KCNH7: variants seen among roughly 807,000 people sequenced by gnomAD.
The protein encoded by KCNH7 is voltage-gated inwardly rectifying potassium channel KCNH7.
KCNH7 carries 49 observed loss-of-function variants against 120.8 expected under a neutral mutation model. That is an observed-to-expected ratio of 0.41 (90% CI 0.32 to 0.51). The LOEUF (loss-of-function observed/expected upper bound fraction) is 0.51. Among genes scored for constraint, KCNH7 ranks in the 20% least tolerant of loss-of-function variants. The pLI is 0.38. For synonymous variants in KCNH7, 547 were observed against 516.1 expected (o/e 1.06, Z -0.81); for missense variants, 1,097 against 1,446.6 (o/e 0.76, Z 3.92).
chr2:162,665,778 T>C lies in KCNH7; in HGVS notation c.308-128698A>G, dbSNP rs1277547309. Among the ~76,000 whole-genome samples, 3 of 152,150 alleles carry C rather than the reference T, an allele frequency of 2.0e-5. No individual in the cohort carries two copies. The East Asian group carries it at 5.8e-4, about 29-fold the overall frequency. On this transcript the variant is annotated intron_variant, in intron 2 of 15. Transcript: ENST00000332142. ...ATCCTATGCCCTGATTAATTTTCTT[T>C]AGTCTAATTAAATTCAATTAAACTA...
intron 2 of KCNH7, among the ~76,000 whole-genome samples, chr2:162,706,506 A>G (rs989075750): frequency 1.3e-5 from 2 of 152,086 alleles, no homozygotes; most frequent in Admixed American, 1.3e-4. Context: ...GTAACCCCAC[A>G]AGGTCATAGT....
chr2:162,649,388 T>A (rs1684489811), intron 2 of KCNH7, among the ~76,000 whole-genome samples: 1 of 152,200 alleles, frequency 6.6e-6, no homozygotes, highest in African/African-American at 2.4e-5. Context: ...TTGAAAGTGA[T>A]TTTTACTTTT....
At chr2:162,784,555 G>T (rs1683629365) in intron 2 of KCNH7, 1 of 152,124 alleles carries the variant, frequency 6.6e-6, no homozygotes, top group Non-Finnish European at 1.5e-5. Flanking sequence ...GTGTTAAGTG[G>T]TTTTATGTTA....
intron 2 of KCNH7, among the ~76,000 whole-genome samples, chr2:162,622,939 A>G (rs1683415710): frequency 6.6e-6 from 1 of 152,192 alleles, no homozygotes; most frequent in African/African-American, 2.4e-5. Context: ...ACAAAGAGGC[A>G]GTATGAAATA....
At chr2:162,659,780 T>C (rs999193575) in intron 2 of KCNH7, among the ~76,000 whole-genome samples, 1 of 152,192 alleles carries the variant, frequency 6.6e-6, no homozygotes, top group African/African-American at 2.4e-5. Context: ...GGTTTTAGTA[T>C]TAGGGTAATG....
chr2:162,809,849 T>C (rs1049709128), intron 2 of KCNH7, among the ~76,000 whole-genome samples: 16 of 152,110 alleles, frequency 1.1e-4, no homozygotes, highest in African/African-American at 2.4e-5. Flanking sequence ...TTTTATAATT[T>C]TAGTTGCTAT....
intron 2 of KCNH7, among the ~76,000 whole-genome samples, chr2:162,801,319 G>T (rs1476295449): frequency 6.6e-6 from 1 of 151,594 alleles, no homozygotes; most frequent in Non-Finnish European, 1.5e-5. Context: ...TATTTAGGGT[G>T]CTGAAATTAA....
intron 2 of KCNH7, among the ~76,000 whole-genome samples, chr2:162,661,884 T>A (rs983412345): frequency 5.9e-5 from 9 of 152,334 alleles, no homozygotes; most frequent in African/African-American, 1.7e-4. Context: ...TTGGGTTTTT[T>A]AAATTATTTT....
chr2:162,657,186 T>A (rs917042754), intron 2 of KCNH7, among the ~76,000 whole-genome samples: 1 of 152,204 alleles, frequency 6.6e-6, no homozygotes, highest in Admixed American at 6.5e-5. Flanking sequence ...AGTTTACTGT[T>A]AGTGTTCACT....
chr2:162,568,554 G>A (rs1003964522), intron 2 of KCNH7, among the ~76,000 whole-genome samples: 4 of 152,006 alleles, frequency 2.6e-5, no homozygotes, highest in Non-Finnish European at 4.4e-5. Flanking sequence ...ATATTAAAAT[G>A]AGGTAAAGTT....
chr2:162,836,726 C>T lies in KCNH7; in HGVS notation c.118G>A (p.Ala40Thr). The T allele has an allele frequency of 6.2e-7, 1 of 1,613,924 alleles. No individual in the cohort carries two copies. Among genetic ancestry groups the T allele is most frequent in the Non-Finnish European group, 8.5e-7 (1 of 1,179,866 alleles). Reference protein sequence around the residue: ...IIANARVQNCAIIYCNDGFCE... With the variant: ...IIANARVQNCTIIYCNDGFCE... ...AACCCATCGTTGCAATAAATGATGGCACAGTTCTGCACTCTGGCATTTGCA... is the reference window on the plus strand; with the variant it reads ...AACCCATCGTTGCAATAAATGATGGTACAGTTCTGCACTCTGGCATTTGCA... The change falls in exon 2 of 16, where the codon GCC becomes ACC. Residue 40 changes from alanine (A) to threonine (T), a missense_variant. Coordinates refer to ENST00000332142, the MANE Select transcript of KCNH7 (RefSeq NM_033272.4).
intron 2 of KCNH7, among the ~76,000 whole-genome samples, chr2:162,542,925 T>A (rs916336244): frequency 5.3e-5 from 8 of 152,216 alleles, no homozygotes; most frequent in Middle Eastern, 3.4e-3. Flanking sequence ...GTTTCCTGAC[T>A]TTTTAATGAT....
intron 6 of KCNH7, among the ~76,000 whole-genome samples, chr2:162,501,190 C>G (rs967946692): frequency 6.6e-6 from 1 of 152,036 alleles, no homozygotes; most frequent in Non-Finnish European, 1.5e-5. Flanking sequence ...AGTTTCTGGT[C>G]TCAGCCTTTA....
intron 2 of KCNH7, among the ~76,000 whole-genome samples, chr2:162,561,643 T>C (rs1007156563): frequency 6.6e-6 from 1 of 152,206 alleles, no homozygotes; most frequent in Admixed American, 6.5e-5. Context: ...TAATGACCAG[T>C]GATGATGAGC....
intron 9 of KCNH7, among the ~76,000 whole-genome samples, chr2:162,410,134 C>G (rs147469642): frequency 4.4e-4 from 67 of 151,958 alleles, no homozygotes; most frequent in African/African-American, 1.6e-3. Context: ...GAATTCGAGG[C>G]AAAAAGAACA....
At chr2:162,742,756 T>C (rs1347165682) in intron 2 of KCNH7, among the ~76,000 whole-genome samples, 3 of 152,182 alleles carry the variant, frequency 2.0e-5, no homozygotes, top group Non-Finnish European at 2.9e-5. Context: ...ATGATATAGA[T>C]GGTACTCTTG....
chr2:162,513,190 CTCCCTCCT>C (rs1691141292), intron 4 of KCNH7, among the ~76,000 whole-genome samples: 2 of 109,840 alleles, frequency 1.8e-5, no homozygotes, highest in South Asian at 4.0e-4. Context: ...CCCTCCCTCC[CTCCCTCCT>C]TCCCTTCCTC....
chr2:162,515,128 G>T (rs1691233830), intron 4 of KCNH7, among the ~76,000 whole-genome samples: 2 of 151,654 alleles, frequency 1.3e-5, no homozygotes, highest in African/African-American at 2.4e-5. Context: ...CTTTAAAGAT[G>T]AAGTAGAAAA....
At chr2:162,786,279 CA>C in intron 2 of KCNH7, among the ~76,000 whole-genome samples, 1 of 148,274 alleles carries the variant, frequency 6.7e-6, no homozygotes, top group South Asian at 2.2e-4. Flanking sequence ...TAGTATGAGC[CA>C]ACATTCTTGG....
Sources: allele counts gnomAD v4.1 joint callset (sites outside exome capture counted in the v4.1 genomes callset), GRCh38; gene constraint gnomAD v4.1.1; transcripts MANE v1.5; gene names NCBI Gene and HGNC (gene_info 2026-07-23, HGNC 2026-07-21).